Variants in MAGI2 observed in about 807,000 individuals in gnomAD.
The protein encoded by MAGI2 is membrane associated guanylate kinase, WW and PDZ domain containing 2.
MAGI2 carries 35 observed loss-of-function variants against 133.3 expected under a neutral mutation model. That is an observed-to-expected ratio of 0.26 (90% CI 0.20 to 0.35). The LOEUF is 0.35. Ranked by LOEUF, MAGI2 falls within the 10% of genes least tolerant of loss-of-function variation. MAGI2 has a pLI of 1.00. For synonymous variants in MAGI2, 729 were observed against 710.6 expected (o/e 1.03, Z -0.41); for missense variants, 1,636 against 1,863.4 (o/e 0.88, Z 2.25).
chr7:79,076,712 T>A (rs1187197230), intron 1 of MAGI2, among the ~76,000 whole-genome samples: 2 of 152,214 alleles, frequency 1.3e-5, no homozygotes, highest in Non-Finnish European at 2.9e-5. Flanking sequence ...CAAAATATAA[T>A]TCTTTTCGAC....
At chr7:78,633,918 A>G (rs1307399876) in intron 2 of MAGI2, among the ~76,000 whole-genome samples, 4 of 152,230 alleles carry the variant, frequency 2.6e-5, no homozygotes, top group African/African-American at 9.6e-5. Context: ...AAGTAAAAGC[A>G]TAAACACCAT....
chr7:78,537,783 C>T (rs1024034774), intron 3 of MAGI2, among the ~76,000 whole-genome samples: 1 of 149,812 alleles, frequency 6.7e-6, no homozygotes, highest in African/African-American at 2.5e-5. Context: ...GATTTTCTCC[C>T]ATTCTATGAA....
chr7:78,109,589 G>A (rs1486832765), intron 20 of MAGI2, among the ~76,000 whole-genome samples: 3 of 152,020 alleles, frequency 2.0e-5, no homozygotes, highest in Non-Finnish European at 2.9e-5. Flanking sequence ...CTGAGATGGC[G>A]ACACTGCACT....
At chr7:78,621,623 A>G (rs1200888350) in intron 3 of MAGI2, among the ~76,000 whole-genome samples, 2 of 152,042 alleles carry the variant, frequency 1.3e-5, no homozygotes, top group Non-Finnish European at 2.9e-5. Flanking sequence ...AAAGGCTTTA[A>G]GAATCAACTA....
At chr7:78,845,421 T>G (rs188716590) in intron 2 of MAGI2, among the ~76,000 whole-genome samples, 1 of 152,016 alleles carries the variant, frequency 6.6e-6, no homozygotes, top group East Asian at 1.9e-4. Context: ...AGGTCAGCTC[T>G]AAACACATAA....
At chr7:78,887,839 G>T (rs1017370663) in intron 2 of MAGI2, among the ~76,000 whole-genome samples, 1 of 152,222 alleles carries the variant, frequency 6.6e-6, no homozygotes. Context: ...ATTTACAACT[G>T]AGGTACCAAG....
chr7:78,791,527 C>A (rs961715288), intron 2 of MAGI2, among the ~76,000 whole-genome samples: 3 of 151,444 alleles, frequency 2.0e-5, no homozygotes, highest in Non-Finnish European at 4.4e-5. Flanking sequence ...TAATGGCTAA[C>A]CCTGAGAAAC....
In MAGI2 at chr7:78,841,368, G is replaced by A. The variant is rs538888141; in HGVS notation, c.418+165722C>T. 8.5e-5 allele frequency among the ~76,000 whole-genome samples: 13 copies of A among 152,090 alleles called. No individual in the cohort carries two copies. The South Asian group carries it at 2.5e-3, about 29-fold the overall frequency. On this transcript the variant is annotated intron_variant, in intron 2 of 21. Transcript: ENST00000354212. ...CAATCACTTGCCTTGGAACTTCCTC[G>A]CAATCTCAGCTCAAGCAACACTGCT...
intron 1 of MAGI2, among the ~76,000 whole-genome samples, chr7:79,345,629 CATA>C (rs1418690824): frequency 6.6e-6 from 1 of 151,992 alleles, no homozygotes; most frequent in African/African-American, 2.4e-5. Flanking sequence ...GAGAAATTCT[CATA>C]ATACTTGTTT....
chr7:78,762,550 C>T (rs1326680412), intron 2 of MAGI2, among the ~76,000 whole-genome samples: 1 of 152,122 alleles, frequency 6.6e-6, no homozygotes, highest in African/African-American at 2.4e-5. Flanking sequence ...TTACATTCTT[C>T]CTTTCGCTAT....
chr7:78,752,964 G>C (rs1823592624), intron 2 of MAGI2, among the ~76,000 whole-genome samples: 1 of 152,214 alleles, frequency 6.6e-6, no homozygotes, highest in African/African-American at 2.4e-5. Context: ...ACAGAATTTA[G>C]ACATGCCTGC....
At chr7:78,695,948 A>C (rs1210766917) in intron 2 of MAGI2, among the ~76,000 whole-genome samples, 1 of 151,774 alleles carries the variant, frequency 6.6e-6, no homozygotes, top group South Asian at 2.1e-4. Context: ...TTTTCTTTTT[A>C]AAAGCATGAC....
chr7:78,697,234 C>T (rs936348799), intron 2 of MAGI2, among the ~76,000 whole-genome samples: 9 of 152,016 alleles, frequency 5.9e-5, no homozygotes, highest in Admixed American at 4.6e-4. Flanking sequence ...GTTGATTCTC[C>T]GCAGTGTTGT....
At chr7:78,864,618 T>G (rs1221234214) in intron 2 of MAGI2, among the ~76,000 whole-genome samples, 2 of 152,206 alleles carry the variant, frequency 1.3e-5, no homozygotes, top group East Asian at 1.9e-4. Flanking sequence ...CTCAGAAAAC[T>G]TTAATAACAG....
intron 1 of MAGI2, among the ~76,000 whole-genome samples, chr7:79,337,051 A>G (rs1158426492): frequency 6.6e-6 from 1 of 152,128 alleles, no homozygotes; most frequent in Non-Finnish European, 1.5e-5. Flanking sequence ...TTGCTTGACT[A>G]CAGTAATCAT....
intron 12 of MAGI2, among the ~76,000 whole-genome samples, chr7:78,189,183 T>C (rs1414898424): frequency 6.6e-6 from 1 of 152,176 alleles, no homozygotes; most frequent in African/African-American, 2.4e-5. Context: ...ATTACAATAC[T>C]GAACAACGAA....
intron 2 of MAGI2, among the ~76,000 whole-genome samples, chr7:78,996,206 C>T (rs1402442559): frequency 6.6e-6 from 1 of 152,028 alleles, no homozygotes; most frequent in Non-Finnish European, 1.5e-5. Flanking sequence ...TCTTACTGAT[C>T]TGTAGTTTTT....
chr7:78,824,815 C>G (rs1288909927), intron 2 of MAGI2, among the ~76,000 whole-genome samples: 2 of 152,084 alleles, frequency 1.3e-5, no homozygotes, highest in African/African-American at 4.8e-5. Flanking sequence ...TTGGAACCAA[C>G]CCAAGTGCCC....
At position 78,193,525 on chromosome 7, in the gene MAGI2, G is replaced by A. The variant is rs895073727; in HGVS notation, c.2269+1349C>T. 3.3e-5 allele frequency among the ~76,000 whole-genome samples: 5 copies of A among 152,258 alleles called. No homozygotes were observed. In the East Asian group the frequency reaches 7.7e-4, roughly 23 times the overall value. On this transcript the variant is annotated intron_variant, in intron 12 of 21. Transcript: ENST00000354212. Reference sequence around the variant, plus strand: ...ATTCCATCAATACTTGGTTATCAAAGCAGAAAAGGTATTAGAAACTGGGCT... The same window carrying A: ...ATTCCATCAATACTTGGTTATCAAAACAGAAAAGGTATTAGAAACTGGGCT...
Sources: gnomAD v4.1 joint callset for allele counts (sites outside exome capture counted in the v4.1 genomes callset) on GRCh38, gnomAD v4.1.1 for gene constraint, MANE v1.5 for transcripts, NCBI Gene and HGNC (gene_info 2026-07-23, HGNC 2026-07-21) for gene names.